CLIP1: variants seen among roughly 807,000 people sequenced by gnomAD.
The protein encoded by CLIP1 is CAP-Gly domain-containing linker protein 1.
A neutral mutation model predicts 161.6 loss-of-function variants in CLIP1; 66 were observed. The observed-to-expected ratio is 0.41, with a 90% CI of 0.33 to 0.50. The LOEUF is 0.50. Ranked by LOEUF, CLIP1 falls within the 20% of genes least tolerant of loss-of-function variation. The pLI, the probability that CLIP1 is intolerant of heterozygous loss-of-function variation, is 0.27. For missense variants in CLIP1, 1,376 were observed against 1,702.0 expected, an observed-to-expected ratio of 0.81 and a Z score of 3.37; for synonymous variants, 598 against 626.2, an observed-to-expected ratio of 0.96 and a Z score of 0.67.
In CLIP1 at chr12:122,310,942, G is replaced by A. The variant is rs1016900192; in HGVS notation, c.3474-1060C>T. Among the ~76,000 whole-genome samples the A allele has an allele frequency of 3.3e-5, 5 of 152,194 alleles. No individual in the cohort carries two copies. In the East Asian group the frequency reaches 9.6e-4, roughly 29 times the overall value. ...AATATGCACACTGGGATGACCTCAG[G>A]AAGACTTAGGGAAATAAATCCACAC... is the stretch of plus-strand genomic sequence containing the variant. On this transcript the variant is annotated intron_variant, in intron 19 of 25. Coordinates refer to ENST00000620786, the MANE Select transcript of CLIP1 (RefSeq NM_001247997.2).
chr12:122,417,303 A>G (rs1232261087), intron 1 of CLIP1, among the ~76,000 whole-genome samples: 1 of 148,642 alleles, frequency 6.7e-6, no homozygotes, highest in Non-Finnish European at 1.5e-5. Context: ...TCTTAAAAAC[A>G]AAACAAAACA....
At position 122,271,739 on chromosome 12, in the gene CLIP1, A is replaced by G. The variant is rs1955192356; in HGVS notation, c.*1136T>C. 6.6e-6 allele frequency: 1 copy of G among 152,666 alleles called. No individual in the cohort carries two copies. The highest frequency in any genetic ancestry group is 1.5e-5 in the Non-Finnish European group (1 of 68,052). The allele number at this position is 152,666 out of a possible 1,614,324, so 9.5% of individuals were successfully genotyped here. ...GATAAATAGATTCAAACTGGTCGAT[A>G]AACTGTTCAGGTGCTTTGAGGTCCT... is the stretch of plus-strand genomic sequence containing the variant. On this transcript the variant is annotated 3_prime_UTR_variant, in exon 26 of 26. Coordinates refer to ENST00000620786, the MANE Select transcript of CLIP1 (RefSeq NM_001247997.2).
rs1184766264 is a variant in CLIP1, at chr12:122,305,614, C to G, written c.3594+4148G>C. ...TACTGCGATGGTTAATACTGAGTGT[C>G]AACTCGATTGGATTGAGGATGCAAA... is the stretch of plus-strand genomic sequence containing the variant. On this transcript the variant is annotated intron_variant, in intron 20 of 25. Coordinates refer to ENST00000620786, the MANE Select transcript of CLIP1 (RefSeq NM_001247997.2). Among the ~76,000 whole-genome samples the G allele has an allele frequency of 4.6e-5, 7 of 152,292 alleles. No individual in the cohort carries two copies. In the East Asian group the frequency reaches 1.4e-3, roughly 29 times the overall value.
At chr12:122,394,843 C>T (rs1955846498) in intron 1 of CLIP1, among the ~76,000 whole-genome samples, 1 of 152,072 alleles carries the variant, frequency 6.6e-6, no homozygotes, top group Non-Finnish European at 1.5e-5. Context: ...CAGCATGAGA[C>T]TCCGGCTCAA....
In CLIP1 at chr12:122,340,857, T is replaced by C. The variant is rs1285581441; in HGVS notation, c.2347A>G (p.Ser783Gly). 5 of 1,614,194 alleles carry C rather than the reference T, an allele frequency of 3.1e-6. No individual in the cohort carries two copies. The highest frequency in any genetic ancestry group is 3.4e-6 in the Non-Finnish European group (4 of 1,179,994). ...TTCATTTCCGATTTACCTTCGGAACTGGCTTTCCGAAGTGCATCAAGATCC... is the reference window on the plus strand; with the variant it reads ...TTCATTTCCGATTTACCTTCGGAACCGGCTTTCCGAAGTGCATCAAGATCC... ...LLDLDALRKA[S>G]SEGKSEMKKL... Residue 783 changes from serine to glycine, a missense_variant, in exon 11 of 26, where the codon AGT becomes GGT. Transcript: ENST00000620786.
At position 122,279,013 on chromosome 12, in the gene CLIP1, T is replaced by C. The variant is rs201689613; in HGVS notation, c.3765+15A>G. 492 of 1,609,932 alleles carry C rather than the reference T, an allele frequency of 3.1e-4. No homozygotes were observed. Among genetic ancestry groups the C allele is most frequent in the Non-Finnish European group, 6.4e-5 (75 of 1,178,676 alleles). ...AGGCCGCGTGAAAGCTCGTGCACCC[T>C]GGGTGGTACTCTACCTCATTTCTCA... On this transcript the variant is annotated intron_variant, in intron 22 of 25. Coordinates refer to ENST00000620786, the MANE Select transcript of CLIP1 (RefSeq NM_001247997.2). This position sits in a 1 kb window ranked among gnomAD's most constrained non-coding sequence, Gnocchi z 4.5.
intron 1 of CLIP1, among the ~76,000 whole-genome samples, chr12:122,396,933 A>T (rs978285586): frequency 1.9e-4 from 14 of 75,058 alleles, no homozygotes; most frequent in South Asian, 5.8e-4. Flanking sequence ...CACCCGGCAA[A>T]TTTTTTTTTT....
rs898783820 is a variant in CLIP1 at position 122,401,508 on chromosome 12, A to C, written c.-106-20950T>G. On this transcript the variant is annotated intron_variant, in intron 1 of 25. Coordinates refer to ENST00000620786, the MANE Select transcript of CLIP1 (RefSeq NM_001247997.2). The stretch of plus-strand genomic sequence containing the variant: ...CGGCGAAGCCCCATCTCTACTAAAA[A>C]TACAAAATCAGCCAGGCGGCGTGGT... Among the ~76,000 whole-genome samples, 20 of 151,962 alleles carry C rather than the reference A, an allele frequency of 1.3e-4. No individual in the cohort carries two copies. In the South Asian group the frequency reaches 2.7e-3, roughly 21 times the overall value.
intron 3 of CLIP1, among the ~76,000 whole-genome samples, chr12:122,375,375 G>T (rs1954668693): frequency 6.6e-6 from 1 of 150,962 alleles, no homozygotes; most frequent in Non-Finnish European, 1.5e-5. Context: ...AGAGTGCAGT[G>T]GCGCAAACTC....
At chr12:122,316,917 C>T (rs993861479) in intron 18 of CLIP1, 62 bp from the exon 19 acceptor site, 2 of 949,434 alleles carry the variant, frequency 2.1e-6, no homozygotes, top group African/African-American at 1.7e-5. Flanking sequence ...CATGAATGAA[C>T]AAATTATTCA....
Position 122,333,032 on chromosome 12 carries a change from G to A in CLIP1, c.2822C>T (p.Ser941Phe), listed in dbSNP as rs758543229. The A allele has an allele frequency of 1.9e-6, 3 of 1,613,636 alleles. No individual in the cohort carries two copies. The highest frequency in any genetic ancestry group is 3.3e-5 in the Admixed American group (2 of 59,962). ...AEIMKMSGDN[S>F]SQLTKMNDEL... ...ATCGTTCATTTTTGTCAGCTGAGAA[G>A]AGTTATCTCCTGACATCTTCATTAT... The change falls in exon 15 of 26, where the codon TCT becomes TTT. Residue 941 changes from serine (S) to phenylalanine (F), a missense_variant. Around this residue, in one of 6 missense-constraint regions of CLIP1, gnomAD observed 948 missense variants for 1,134.8 expected, o/e 0.84. Transcript: ENST00000620786.
intron 1 of CLIP1, among the ~76,000 whole-genome samples, chr12:122,421,478 T>G (rs1038940754): frequency 2.0e-5 from 3 of 152,052 alleles, no homozygotes; most frequent in Non-Finnish European, 2.9e-5. Flanking sequence ...CACTTAATAC[T>G]TATAGAGCTG....
chr12:122,313,265 C>G (rs935881836), intron 19 of CLIP1, among the ~76,000 whole-genome samples: 10 of 152,192 alleles, frequency 6.6e-5, no homozygotes, highest in African/African-American at 1.9e-4. Context: ...GCCCTGGGAT[C>G]CGGTCCCTCC....
At chr12:122,351,445 A>G (rs919814579) in intron 8 of CLIP1, among the ~76,000 whole-genome samples, 1 of 152,252 alleles carries the variant, frequency 6.6e-6, no homozygotes, top group Non-Finnish European at 1.5e-5. Context: ...ATATGAAATG[A>G]GTGAAGAAGA....
intron 1 of CLIP1, among the ~76,000 whole-genome samples, chr12:122,398,178 G>T (rs1410498171): frequency 6.6e-6 from 1 of 151,020 alleles, no homozygotes; most frequent in East Asian, 2.0e-4. Flanking sequence ...CACTTCGGAA[G>T]GCCAAGGCAG....
At chr12:122,328,962 T>C (rs1951821000) in intron 15 of CLIP1, among the ~76,000 whole-genome samples, 1 of 152,208 alleles carries the variant, frequency 6.6e-6, no homozygotes, top group Non-Finnish European at 1.5e-5. Flanking sequence ...GAGTAATAAC[T>C]ACTGTAATTG....
At chr12:122,367,516 G>A (rs1026495326) in intron 3 of CLIP1, among the ~76,000 whole-genome samples, 10 of 152,104 alleles carry the variant, frequency 6.6e-5, no homozygotes, top group African/African-American at 1.9e-4. Flanking sequence ...ACGTGTTTAC[G>A]CATTTCAACG....
chr12:122,390,344 G>A (rs1372288150), intron 1 of CLIP1, among the ~76,000 whole-genome samples: 1 of 127,202 alleles, frequency 7.9e-6, no homozygotes, highest in Non-Finnish European at 1.6e-5. Flanking sequence ...ACGGAGTCTC[G>A]CTCTGCACCC....
intron 20 of CLIP1, among the ~76,000 whole-genome samples, chr12:122,300,459 T>C (rs182899054): frequency 6.6e-6 from 1 of 152,330 alleles, no homozygotes; most frequent in East Asian, 1.9e-4. Context: ...CCACAAGATA[T>C]ATGTGATTCT....
Sources: gnomAD v4.1 joint callset for allele counts (sites outside exome capture counted in the v4.1 genomes callset) on GRCh38, gnomAD v4.1.1 for gene constraint, gnomAD v4.1.1 regional missense constraint, Gnocchi (gnomAD v3.1) non-coding constraint, MANE v1.5 for transcripts, NCBI Gene and HGNC (gene_info 2026-07-23, HGNC 2026-07-21) for gene names.